SACM1L: variants seen among roughly 807,000 people sequenced by gnomAD.
The protein encoded by SACM1L is SAC1 like phosphatidylinositide phosphatase.
A neutral mutation model predicts 89.5 loss-of-function variants in SACM1L; 32 were observed. The ratio of observed to expected loss-of-function variants is 0.36; its 90% CI spans 0.27 to 0.48. The LOEUF is 0.48. SACM1L is among the 20% of genes least tolerant of loss of function. SACM1L has a pLI of 0.99. For synonymous variants in SACM1L, 213 were observed against 232.8 expected, an observed-to-expected ratio of 0.92 and a Z score of 0.77; for missense variants, 543 against 708.5, an observed-to-expected ratio of 0.77 and a Z score of 2.65.
At chr3:45,723,949 TGC>T (rs1698848113) in intron 11 of SACM1L, among the ~76,000 whole-genome samples, 1 of 122,604 alleles carries the variant, frequency 8.2e-6, no homozygotes, top group Admixed American at 8.4e-5. Context: ...TATGCATATA[TGC>T]ACACACACAC....
At chr3:45,709,000 C>T (rs1441203301) in intron 4 of SACM1L, among the ~76,000 whole-genome samples, 2 of 152,140 alleles carry the variant, frequency 1.3e-5, no homozygotes, top group Admixed American at 6.6e-5. Flanking sequence ...ACTTCTCGTC[C>T]ATCCCAAACC....
chr3:45,689,498 G>T lies in SACM1L; in HGVS notation c.32+1G>T. The T allele has an allele frequency of 6.3e-7, 1 of 1,579,802 alleles. No homozygotes were observed. Among genetic ancestry groups the T allele is most frequent in the Non-Finnish European group, 8.6e-7 (1 of 1,163,946 alleles). On this transcript the variant is annotated splice_donor_variant, in intron 1 of 19. Coordinates refer to ENST00000389061, the MANE Select transcript of SACM1L (RefSeq NM_014016.5). LOFTEE classifies it high-confidence loss of function. The stretch of plus-strand genomic sequence containing the variant: ...CGGCGGCCTACGAGCAGCTGAAGCT[G>T]TGAGTCCCACGGGCCAGAGGCCTGA...
chr3:45,711,328 C>T (rs1380129174), intron 5 of SACM1L, among the ~76,000 whole-genome samples: 1 of 151,976 alleles, frequency 6.6e-6, no homozygotes, highest in African/African-American at 2.4e-5. Context: ...AATGTTTTGT[C>T]AGCTAAACAG....
At chr3:45,692,134 A>G (rs988309508) in intron 1 of SACM1L, among the ~76,000 whole-genome samples, 1 of 152,144 alleles carries the variant, frequency 6.6e-6, no homozygotes. Context: ...CATACTGGTC[A>G]CATCCATGGT....
chr3:45,700,000 G>A (rs1454400275), intron 1 of SACM1L, among the ~76,000 whole-genome samples: 3 of 152,120 alleles, frequency 2.0e-5, no homozygotes, highest in Non-Finnish European at 4.4e-5. Context: ...TCAGTTCATT[G>A]ATTTTTGTCC....
At chr3:45,727,903 T>G (rs1020356566) in intron 11 of SACM1L, among the ~76,000 whole-genome samples, 5 of 152,146 alleles carry the variant, frequency 3.3e-5, no homozygotes, top group Non-Finnish European at 5.9e-5. Flanking sequence ...CCTCTACTAT[T>G]ATTATATAAT....
At chr3:45,739,515 G>A in intron 18 of SACM1L, 72 bp from the exon 19 acceptor site, 1 of 1,296,714 alleles carries the variant, frequency 7.7e-7, no homozygotes, top group Non-Finnish European at 1.1e-6. Flanking sequence ...CCCAAGCAAT[G>A]CATGCACAAC....
intron 3 of SACM1L, among the ~76,000 whole-genome samples, 184 bp downstream of exon 3, chr3:45,705,393 G>A (rs555018771): frequency 4.6e-5 from 7 of 151,790 alleles, no homozygotes; most frequent in African/African-American, 1.4e-4. Context: ...ATTTATCAGC[G>A]TGAGCTTCTA....
intron 11 of SACM1L, among the ~76,000 whole-genome samples, chr3:45,724,682 G>T (rs1698876137): frequency 6.6e-6 from 1 of 151,992 alleles, no homozygotes; most frequent in Non-Finnish European, 1.5e-5. Context: ...TGCTCTTGGT[G>T]TCAAATTCAA....
chr3:45,722,794 C>T (rs1309135698), intron 9 of SACM1L, 75 bp from the exon 10 acceptor site: 3 of 1,062,012 alleles, frequency 2.8e-6, no homozygotes, highest in Non-Finnish European at 4.3e-6. Context: ...TTAATATATA[C>T]ACCCCTGACA....
chr3:45,723,644 A>T (rs1698840242), intron 11 of SACM1L, 101 bp downstream of exon 11: 2 of 400,448 alleles, frequency 5.0e-6, no homozygotes, highest in Non-Finnish European at 8.7e-6. Context: ...GTTCAGTGGC[A>T]TTAAGTAGTT....
At chr3:45,732,778 C>T (rs1472901279) in intron 13 of SACM1L, among the ~76,000 whole-genome samples, 1 of 152,126 alleles carries the variant, frequency 6.6e-6, no homozygotes, top group African/African-American at 2.4e-5. Flanking sequence ...TCTATGCGTG[C>T]CAGTCTTTAC....
intron 14 of SACM1L, 28 bp downstream of exon 14, chr3:45,735,401 G>A: frequency 1.3e-6 from 2 of 1,482,304 alleles, no homozygotes; most frequent in South Asian, 1.4e-5. Flanking sequence ...TTTTTTAATT[G>A]AAAAACAACA....
At chr3:45,704,858 G>A (rs1019925838) in intron 2 of SACM1L, among the ~76,000 whole-genome samples, 5 of 152,162 alleles carry the variant, frequency 3.3e-5, no homozygotes, top group South Asian at 2.1e-4. Context: ...TCACCACTGC[G>A]AATGCAGACT....
intron 1 of SACM1L, among the ~76,000 whole-genome samples, chr3:45,701,425 G>C (rs114085576): frequency 2.0e-5 from 3 of 152,008 alleles, no homozygotes; most frequent in African/African-American, 7.3e-5. Context: ...CTTAGTATGC[G>C]GTAGCCTTTT....
chr3:45,704,514 CAAGAT>C (rs1425053541), intron 2 of SACM1L, among the ~76,000 whole-genome samples: 3 of 152,126 alleles, frequency 2.0e-5, no homozygotes, highest in African/African-American at 7.2e-5. Flanking sequence ...GCTGCTCTCT[CAAGAT>C]AGCTGACTGG....
chr3:45,743,453 C>A, intron 19 of SACM1L, 80 bp from the exon 20 acceptor site: 1 of 1,446,598 alleles, frequency 6.9e-7, no homozygotes. Context: ...TTAATGTTGC[C>A]AAAATGTGCT....
chr3:45,711,441 AC>A (rs1209178694), intron 5 of SACM1L, among the ~76,000 whole-genome samples: 2 of 152,144 alleles, frequency 1.3e-5, no homozygotes, highest in African/African-American at 4.8e-5. Context: ...AGCCTGGGCA[AC>A]ATAGGGAGAC....
chr3:45,703,290 T>G (rs908228930), intron 1 of SACM1L, 148 bp from the exon 2 acceptor site: 2 of 545,114 alleles, frequency 3.7e-6, no homozygotes, highest in Non-Finnish European at 6.6e-6. Flanking sequence ...TGCAGTGAAC[T>G]CATAAGGACA....
Sources: allele counts gnomAD v4.1 joint callset (sites outside exome capture counted in the v4.1 genomes callset), GRCh38; gene constraint gnomAD v4.1.1; transcripts MANE v1.5; gene names NCBI Gene and HGNC (gene_info 2026-07-23, HGNC 2026-07-21).